Variants in ADGRG1 observed in about 807,000 individuals in gnomAD.
The protein encoded by ADGRG1 is 7-transmembrane protein with no EGF-like N-terminal domains-1.
In ADGRG1, 53 loss-of-function variants were observed where a neutral mutation model predicts 73.5. The ratio of observed to expected loss-of-function variants is 0.72; its 90% CI spans 0.58 to 0.91. The LOEUF (loss-of-function observed/expected upper bound fraction) is 0.91, where lower values mean the gene tolerates loss of function less well. ADGRG1 is among the 40% of genes least tolerant of loss of function. ADGRG1 has a pLI of 0.00. For missense variants in ADGRG1, 795 were observed against 871.8 expected (o/e 0.91, Z 1.11); for synonymous variants, 394 against 374.4 (o/e 1.05, Z -0.60).
chr16:57,631,944 C>A, intron 1 of ADGRG1: 1 of 977,300 alleles, frequency 1.0e-6, no homozygotes, highest in Non-Finnish European at 1.2e-6. Context: ...TTTCTGACCA[C>A]TGCCCAGTGC....
At chr16:57,627,969 C>A, upstream of ADGRG1, 1 of 982,916 alleles carries the variant, frequency 1.0e-6, no homozygotes, top group South Asian at 4.7e-5. Context: ...TTAAAGGAGG[C>A]CGTTTCCAGA....
At chr16:57,627,731 CGG>C (rs75149322), upstream of ADGRG1, 425,896 of 927,500 alleles carry the variant, frequency 0.46, 99,882 homozygotes, top group Non-Finnish European at 0.48. Context: ...CCTCATTGCT[CGG>C]AGGAGGAGGG....
chr16:57,655,334 T>TGTGC lies in ADGRG1; in HGVS notation c.769-64_769-63insTGCG, dbSNP rs1491487782. 5.0e-4 allele frequency: 784 copies of TGTGC among 1,573,076 alleles called. 1 individual carries two copies. In the African/African-American group the frequency reaches 8.2e-3, roughly 16 times the overall value. ...GAACGGATGGGTGTGTGTGTGTGTG[T>TGTGC]GCTAGGGTGGGGGGCACGGATCTAG... On this transcript the variant is annotated intron_variant, in intron 5 of 13. Coordinates refer to ENST00000562631, the MANE Select transcript of ADGRG1 (RefSeq NM_201525.4).
At chr16:57,620,625 C>T (rs1176284536), upstream of ADGRG1, among the ~76,000 whole-genome samples, 3 of 152,170 alleles carry the variant, frequency 2.0e-5, no homozygotes, top group Non-Finnish European at 4.4e-5. Flanking sequence ...CCTCCCTTAG[C>T]GAGCCAAATG....
Position 57,661,792 on chromosome 16 carries a change from T to C in ADGRG1, c.1760T>C (p.Val587Ala). Residue 587 changes from valine (V) to alanine (A), a missense_variant, in exon 13 of 14, where the codon GTG becomes GCG. Transcript: ENST00000562631. ...LFNMAMLATM[V>A]VQILRLRPHT... ...AACATGGCCATGCTAGCCACCATGG[T>C]GGTGCAGATCCTGCGGCTGCGCCCC... is the stretch of plus-strand genomic sequence containing the variant. 6.2e-7 allele frequency: 1 copy of C among 1,614,228 alleles called. No individual in the cohort carries two copies. The highest frequency in any genetic ancestry group is 8.5e-7 in the Non-Finnish European group (1 of 1,180,036).
At chr16:57,626,455 G>A (rs2035839515), upstream of ADGRG1, 1 of 292,724 alleles carries the variant, frequency 3.4e-6, no homozygotes, top group South Asian at 1.3e-4. Context: ...AACCAGGCTT[G>A]TCTCTCTAGC....
chr16:57,645,264 G>A, intron 1 of ADGRG1: 1 of 985,430 alleles, frequency 1.0e-6, no homozygotes, highest in South Asian at 4.7e-5. Context: ...GCCTCTCCCA[G>A]CGAGGGCCCA....
At chr16:57,641,100 C>T in intron 1 of ADGRG1, 2 of 960,346 alleles carry the variant, frequency 2.1e-6, no homozygotes, top group Non-Finnish European at 2.5e-6. Flanking sequence ...ATCCTGAAGC[C>T]TGCGGGAGCC....
chr16:57,631,159 G>T, intron 1 of ADGRG1: 1 of 986,346 alleles, frequency 1.0e-6, no homozygotes, highest in Non-Finnish European at 1.2e-6. Context: ...AGGGAGACGA[G>T]GGGGAGGTGG....
At chr16:57,655,316 TG>T in intron 5 of ADGRG1, 82 bp from the exon 6 acceptor site, 1 of 1,508,142 alleles carries the variant, frequency 6.6e-7, no homozygotes, top group Non-Finnish European at 8.8e-7. Flanking sequence ...CAGGAACGGA[TG>T]GGTGTGTGTG....
intron 1 of ADGRG1, chr16:57,633,424 A>G: frequency 3.0e-6 from 3 of 985,350 alleles, no homozygotes; most frequent in South Asian, 9.4e-5. Flanking sequence ...ATGAACCGAG[A>G]CAGCCACACG....
chr16:57,630,962 C>G, intron 1 of ADGRG1: 1 of 985,590 alleles, frequency 1.0e-6, no homozygotes, highest in Non-Finnish European at 1.2e-6. Flanking sequence ...AGGTCTCAAT[C>G]TGCTCTGTGG....
chr16:57,630,560 T>C lies in ADGRG1; in HGVS notation c.-36+1758T>C, dbSNP rs74022004. On this transcript the variant is annotated intron_variant, in intron 1 of 13. Coordinates refer to ENST00000562631, the MANE Select transcript of ADGRG1 (RefSeq NM_201525.4). ...AGTGTCGGGTGATGGAGAACGCCGC[T>C]CCAGGTGTGATCTGTGACGGACAGG... 1.4e-3 allele frequency: 1,353 copies of C among 982,366 alleles called. 12 individuals carry two copies. The African/African-American group carries it at 0.02, about 15-fold the overall frequency. The allele number at this position is 982,366 out of a possible 1,614,324, so 60.9% of individuals were successfully genotyped here. A position where few individuals can be genotyped will look rare whatever the true frequency, so the allele number is the denominator to read the frequency against.
chr16:57,633,631 C>G, intron 1 of ADGRG1: 1 of 393,428 alleles, frequency 2.5e-6, no homozygotes, highest in Non-Finnish European at 3.5e-6. Flanking sequence ...CTCTGTGCCT[C>G]GTCTTCCTAA....
chr16:57,639,051 A>C (rs1408440658), intron 1 of ADGRG1, among the ~76,000 whole-genome samples: 2 of 152,000 alleles, frequency 1.3e-5, no homozygotes, highest in African/African-American at 4.8e-5. Context: ...GCCTGGGCGA[A>C]AGAGCGAAAC....
intron 1 of ADGRG1, chr16:57,646,274 C>A: frequency 1.7e-6 from 1 of 578,186 alleles, no homozygotes; most frequent in Non-Finnish European, 2.2e-6. Flanking sequence ...GAAAGCGAGC[C>A]GTGGGTCCCC....
chr16:57,644,805 C>T (rs538715760), intron 1 of ADGRG1, among the ~76,000 whole-genome samples: 19 of 147,702 alleles, frequency 1.3e-4, no homozygotes, highest in Admixed American at 8.1e-4. Context: ...GGCACACACT[C>T]ATCACTCCTC....
At chr16:57,653,636 C>T (rs2044708074) in intron 4 of ADGRG1, 8 of 958,246 alleles carry the variant, frequency 8.3e-6, no homozygotes, top group Non-Finnish European at 9.9e-6. Flanking sequence ...CAGAGCCGCT[C>T]CAAGGCCACA....
At chr16:57,638,952 C>T (rs1347014977) in intron 1 of ADGRG1, among the ~76,000 whole-genome samples, 1 of 152,018 alleles carries the variant, frequency 6.6e-6, no homozygotes, top group Non-Finnish European at 1.5e-5. Context: ...CACCTGTAGT[C>T]CCAGCTACTC....
Sources: gnomAD v4.1 joint callset for allele counts (sites outside exome capture counted in the v4.1 genomes callset) on GRCh38, gnomAD v4.1.1 for gene constraint, MANE v1.5 for transcripts, NCBI Gene and HGNC (gene_info 2026-07-23, HGNC 2026-07-21) for gene names.